HAUS6: variants seen among roughly 807,000 people sequenced by gnomAD.
HAUS6 encodes HAUS augmin-like complex subunit 6.
Under a neutral mutation model 106.8 loss-of-function variants are expected in HAUS6, and 80 were observed. The observed-to-expected ratio is 0.75, with a 90% CI of 0.63 to 0.90. The LOEUF (loss-of-function observed/expected upper bound fraction) is 0.90. Among genes scored for constraint, HAUS6 ranks in the 40% least tolerant of loss-of-function variants. HAUS6 has a pLI of 0.00. For missense variants in HAUS6, 1,155 were observed against 1,118.1 expected, an observed-to-expected ratio of 1.03 and a Z score of -0.47; for synonymous variants, 356 against 379.1, an observed-to-expected ratio of 0.94 and a Z score of 0.71.
chr9:19,063,895 C>G (rs1836695475), intron 12 of HAUS6: 2 of 442,312 alleles, frequency 4.5e-6, no homozygotes, highest in African/African-American at 4.0e-5. Flanking sequence ...AAAACAGATT[C>G]AATTAACTAG....
In HAUS6 at chr9:19,096,765, T is replaced by C. The variant is rs775706769; in HGVS notation, c.133A>G (p.Met45Val). ...GCATCACGGTTCAGCTTGTCAAACA[T>C]GTTCCTAGTGGTTAAAAATGAAATA... ...IVSHTHLGVN[M>V]FDKLNRDAFH... Residue 45 changes from methionine (M) to valine (V), a missense_variant, in exon 2 of 17, where the codon ATG becomes GTG. Physicochemically the swap from Met to Val is conservative, Grantham distance 21. Around this residue, in one of 3 missense-constraint regions of HAUS6, gnomAD observed 761 missense variants for 690.0 expected, o/e 1.10. Coordinates refer to ENST00000380502, the MANE Select transcript of HAUS6 (RefSeq NM_017645.5). 1 of 1,471,692 alleles carries C rather than the reference T, an allele frequency of 6.8e-7. No homozygotes were observed. 91.2% of individuals were successfully genotyped at this position (1,471,692 alleles called of 1,614,324 possible).
intron 6 of HAUS6, 37 bp downstream of exon 6, chr9:19,087,054 G>T: frequency 1.1e-6 from 1 of 943,422 alleles, no homozygotes; most frequent in Non-Finnish European, 1.8e-6. Flanking sequence ...AGCTAAACTA[G>T]TATCTAAGGC....
chr9:19,072,634 A>G (rs1281827461), intron 11 of HAUS6, among the ~76,000 whole-genome samples: 1 of 152,230 alleles, frequency 6.6e-6, no homozygotes, highest in African/African-American at 2.4e-5. Flanking sequence ...TCAATCTAGA[A>G]TTCTATATCC....
Position 19,075,826 on chromosome 9 carries a change from G to A in HAUS6, c.1294+776C>T, listed in dbSNP as rs542998147. 1.4e-4 allele frequency among the ~76,000 whole-genome samples: 21 copies of A among 152,048 alleles called. No individual in the cohort carries two copies. The South Asian group carries it at 2.5e-3, about 18-fold the overall frequency. The stretch of plus-strand genomic sequence containing the variant: ...AAAAAAATTAGCCAGGTGTGGTGGC[G>A]CATACCTGTGATCCCAGCTCCTCAG... On this transcript the variant is annotated intron_variant, in intron 11 of 16. Transcript: ENST00000380502.
rs967764785 is a variant in HAUS6, at chr9:19,080,349, G to C, written c.1064+130C>G. The C allele has an allele frequency of 3.2e-5, 20 of 630,642 alleles. No homozygotes were observed. The African/African-American group carries it at 3.3e-4, about 10-fold the overall frequency. The allele number at this position is 630,642 out of a possible 1,614,324, so 39.1% of individuals were successfully genotyped here. On this transcript the variant is annotated intron_variant, in intron 9 of 16. Coordinates refer to ENST00000380502, the MANE Select transcript of HAUS6 (RefSeq NM_017645.5). ...ATGTATATCTCCAAGAGTTGATTAT[G>C]TAAGATTTTTGAGTATTAGAATTCT...
rs1490155074 is a variant in HAUS6, at chr9:19,073,411, T to TTCTA, written c.1295-3115_1295-3112dup. 2.1e-5 allele frequency among the ~76,000 whole-genome samples: 3 copies of TTCTA among 141,770 alleles called. No individual in the cohort carries two copies. In the East Asian group the frequency reaches 5.8e-4, roughly 28 times the overall value. 93.0% of individuals were successfully genotyped at this position (141,770 alleles called of 152,430 possible). On this transcript the variant is annotated intron_variant, in intron 11 of 16. Coordinates refer to ENST00000380502, the MANE Select transcript of HAUS6 (RefSeq NM_017645.5). ...TGAAGTAGCCCAGCTCAGATCAAGG[T>TTCTA]TCTATACTAGGAAAAAAAAAAAGGA...
intron 1 of HAUS6, among the ~76,000 whole-genome samples, chr9:19,100,551 C>T (rs546882670): frequency 6.6e-6 from 1 of 152,180 alleles, no homozygotes; most frequent in East Asian, 1.9e-4. Context: ...ATAGAAGTAC[C>T]CTATGATCCA....
chr9:19,083,109 G>T, intron 7 of HAUS6, 66 bp from the exon 8 acceptor site: 2 of 859,588 alleles, frequency 2.3e-6, no homozygotes, highest in Non-Finnish European at 3.4e-6. Flanking sequence ...AAATGTAAAT[G>T]TATGTTCACT....
chr9:19,070,483 G>C (rs1836862102), intron 11 of HAUS6, among the ~76,000 whole-genome samples, 183 bp from the exon 12 acceptor site: 1 of 152,238 alleles, frequency 6.6e-6, no homozygotes, highest in Non-Finnish European at 1.5e-5. Flanking sequence ...AAAAGTAATA[G>C]AGAACATCTA....
At chr9:19,082,024 T>C (rs1372925941) in intron 8 of HAUS6, among the ~76,000 whole-genome samples, 1 of 152,202 alleles carries the variant, frequency 6.6e-6, no homozygotes, top group African/African-American at 2.4e-5. Context: ...ATCCAGATAA[T>C]GTCCCATAAG....
chr9:19,100,156 T>G (rs972164031), intron 1 of HAUS6, among the ~76,000 whole-genome samples: 6 of 152,050 alleles, frequency 3.9e-5, no homozygotes, highest in African/African-American at 9.7e-5. Context: ...ATCGCACCAC[T>G]GCACTCCCGC....
chr9:19,099,082 A>T (rs1332349496), intron 1 of HAUS6, among the ~76,000 whole-genome samples: 1 of 151,720 alleles, frequency 6.6e-6, no homozygotes, highest in East Asian at 1.9e-4. Flanking sequence ...AGAAACAAAA[A>T]AATCATAAAC....
In HAUS6 at chr9:19,089,488, G is replaced by A. The variant is rs1817700003; in HGVS notation, c.508C>T (p.His170Tyr). Residue 170 changes from histidine (H) to tyrosine (Y), a missense_variant, in exon 5 of 17, where the codon CAT becomes TAT. By Grantham distance (83) the His-to-Tyr change is moderately conservative. Around this residue, in one of 3 missense-constraint regions of HAUS6, gnomAD observed 761 missense variants for 690.0 expected, o/e 1.10. Transcript: ENST00000380502. The stretch of plus-strand genomic sequence containing the variant: ...TGTAAAAATCTGCTACGTGCGAAAT[G>A]GCATCTGGCAATGCATTTGTGCAAG... ...QDLHKCIARC[H>Y]FARSRFLQIL... 1 of 1,609,194 alleles carries A rather than the reference G, an allele frequency of 6.2e-7. No homozygotes were observed. The highest frequency in any genetic ancestry group is 8.5e-7 in the Non-Finnish European group (1 of 1,175,648).
intron 2 of HAUS6, among the ~76,000 whole-genome samples, chr9:19,095,054 G>C (rs574487956): frequency 6.6e-6 from 1 of 151,786 alleles, no homozygotes; most frequent in Admixed American, 6.6e-5. Context: ...AGCCTGAAAA[G>C]AAATAGTAAT....
In HAUS6 at chr9:19,100,519, T is replaced by C. The variant is rs140659361; in HGVS notation, c.128+2005A>G. ...GTAGTACAGCCATTATGGGAAACCATAGGCTCCTTAAAAAACTAAAAATAG... is the reference window on the plus strand; with the variant it reads ...GTAGTACAGCCATTATGGGAAACCACAGGCTCCTTAAAAAACTAAAAATAG... On this transcript the variant is annotated intron_variant, in intron 1 of 16. Coordinates refer to ENST00000380502, the MANE Select transcript of HAUS6 (RefSeq NM_017645.5). Among the ~76,000 whole-genome samples, 458 of 152,318 alleles carry C rather than the reference T, an allele frequency of 3.0e-3. 6 individuals are homozygous for C. The South Asian group carries it at 0.038, about 12-fold the overall frequency.
At chr9:19,085,615 CAAAAAAA>C (rs71494997) in intron 7 of HAUS6, among the ~76,000 whole-genome samples, 2 of 129,788 alleles carry the variant, frequency 1.5e-5, no homozygotes, top group Admixed American at 1.6e-4. Context: ...AGATTTTATC[CAAAAAAA>C]AAAAAAAAGA....
intron 3 of HAUS6, among the ~76,000 whole-genome samples, chr9:19,093,915 T>A (rs2131152710): frequency 6.6e-6 from 1 of 152,320 alleles, no homozygotes. Context: ...ATCAGAATTA[T>A]TCCTTTTAAA....
At chr9:19,066,225 C>G (rs776756514) in intron 12 of HAUS6, among the ~76,000 whole-genome samples, 1 of 151,970 alleles carries the variant, frequency 6.6e-6, no homozygotes, top group Non-Finnish European at 1.5e-5. Context: ...CATGAGCCAC[C>G]ATGCCCAGCT....
intron 12 of HAUS6, among the ~76,000 whole-genome samples, chr9:19,066,290 C>T (rs903893770): frequency 3.4e-5 from 5 of 148,566 alleles, no homozygotes; most frequent in African/African-American, 5.0e-5. Context: ...CTTGGCGGGG[C>T]GGGGGAGGGA....
Sources: allele counts gnomAD v4.1 joint callset (sites outside exome capture counted in the v4.1 genomes callset), GRCh38; gene constraint gnomAD v4.1.1; regional missense constraint gnomAD v4.1.1; transcripts MANE v1.5; gene names NCBI Gene and HGNC (gene_info 2026-07-23, HGNC 2026-07-21).